Variants in SH3RF3 observed in about 807,000 individuals in gnomAD.
SH3RF3 encodes the protein SH3 domain containing ring finger 3, also known as E3 ubiquitin-protein ligase SH3RF3.
SH3RF3 carries 29 observed loss-of-function variants against 66.3 expected under a neutral mutation model. That is an observed-to-expected ratio of 0.44 (90% CI 0.33 to 0.60). The LOEUF is 0.60. Ranked by LOEUF, SH3RF3 falls within the 20% of genes least tolerant of loss-of-function variation. SH3RF3 has a pLI of 0.04. For synonymous variants in SH3RF3, 583 were observed against 532.0 expected (o/e 1.10, Z -1.32); for missense variants, 1,194 against 1,190.9 (o/e 1.00, Z -0.04).
At chr2:109,337,587 G>A (rs1388814383) in intron 1 of SH3RF3, among the ~76,000 whole-genome samples, 1 of 152,198 alleles carries the variant, frequency 6.6e-6, no homozygotes, top group African/African-American at 2.4e-5. Context: ...CGAGCCTTTA[G>A]CACATTTGCT....
chr2:109,235,519 T>C (rs1679626383), intron 1 of SH3RF3, among the ~76,000 whole-genome samples: 1 of 152,236 alleles, frequency 6.6e-6, no homozygotes, highest in South Asian at 2.1e-4. Context: ...GGCCATCTGG[T>C]CACCTGGAGA....
intron 8 of SH3RF3, among the ~76,000 whole-genome samples, chr2:109,458,600 G>GAA (rs1413496623): frequency 2.1e-4 from 31 of 150,796 alleles, no homozygotes; most frequent in Admixed American, 5.3e-4. Flanking sequence ...GAGAGAGAGA[G>GAA]AATTTATTTA....
rs550439433 is a variant in SH3RF3, at chr2:109,283,229, C to T, written c.574-64445C>T. On this transcript the variant is annotated intron_variant, in intron 1 of 9. Transcript: ENST00000309415. ...TCCCTCCAGGCCCCAGCCTGGCAGT[C>T]TCCCGCTCTGGGTGCTTGGGCCATG... Among the ~76,000 whole-genome samples the T allele has an allele frequency of 4.6e-5, 7 of 152,320 alleles. 1 individual carries two copies. Among genetic ancestry groups the T allele is most frequent in the African/African-American group, 1.7e-4 (7 of 41,574 alleles).
chr2:109,277,576 C>T (rs1486978889), intron 1 of SH3RF3, among the ~76,000 whole-genome samples: 1 of 152,206 alleles, frequency 6.6e-6, no homozygotes, highest in South Asian at 2.1e-4. Context: ...TACGTGTACA[C>T]TGTCGTTATC....
chr2:109,380,430 T>C (rs112507081), intron 3 of SH3RF3, among the ~76,000 whole-genome samples: 3 of 152,132 alleles, frequency 2.0e-5, no homozygotes, highest in African/African-American at 4.8e-5. Context: ...TGCAATGTTA[T>C]TGGGTTGTGG....
chr2:109,218,598 C>T (rs539548849), intron 1 of SH3RF3, among the ~76,000 whole-genome samples: 182 of 152,288 alleles, frequency 1.2e-3, no homozygotes, highest in Non-Finnish European at 2.2e-3. Context: ...AGCCTCATCA[C>T]CTCTCCTCTC....
intron 1 of SH3RF3, among the ~76,000 whole-genome samples, chr2:109,225,697 G>A (rs13406221): frequency 0.043 from 6,553 of 152,346 alleles, 454 homozygotes; most frequent in African/African-American, 0.15. Flanking sequence ...AGAGAGGAGA[G>A]CAGGTGGTGT....
At chr2:109,295,639 T>C (rs1681289338) in intron 1 of SH3RF3, among the ~76,000 whole-genome samples, 4 of 152,072 alleles carry the variant, frequency 2.6e-5, no homozygotes, top group Non-Finnish European at 5.9e-5. Flanking sequence ...GCAGACTCAC[T>C]GCAGCCCCAC....
intron 1 of SH3RF3, among the ~76,000 whole-genome samples, chr2:109,283,970 C>G (rs1342566849): frequency 6.6e-6 from 1 of 152,186 alleles, no homozygotes; most frequent in Non-Finnish European, 1.5e-5. Context: ...GTCCCCACAC[C>G]TCTGCCCGTG....
intron 1 of SH3RF3, among the ~76,000 whole-genome samples, chr2:109,318,800 G>T (rs1198079112): frequency 6.6e-6 from 1 of 152,208 alleles, no homozygotes; most frequent in Non-Finnish European, 1.5e-5. Context: ...ACGAGCTCTG[G>T]CCTGAGGCCA....
intron 5 of SH3RF3, among the ~76,000 whole-genome samples, chr2:109,425,375 CA>C (rs1167526394): frequency 6.6e-6 from 1 of 152,148 alleles, no homozygotes; most frequent in Non-Finnish European, 1.5e-5. Flanking sequence ...CACTAAACAA[CA>C]GATTTTCAGT....
intron 8 of SH3RF3, among the ~76,000 whole-genome samples, chr2:109,475,304 T>TA (rs1346834717): frequency 2.0e-5 from 3 of 152,238 alleles, no homozygotes; most frequent in Non-Finnish European, 4.4e-5. Context: ...CTCCGAGGGC[T>TA]ACAGGACTAT....
At chr2:109,228,174 C>G (rs1054105308) in intron 1 of SH3RF3, among the ~76,000 whole-genome samples, 1 of 152,130 alleles carries the variant, frequency 6.6e-6, no homozygotes, top group African/African-American at 2.4e-5. Flanking sequence ...AAACATGGTG[C>G]TACTTGCTTA....
At chr2:109,474,169 A>G (rs1261042652) in intron 8 of SH3RF3, among the ~76,000 whole-genome samples, 1 of 152,156 alleles carries the variant, frequency 6.6e-6, no homozygotes, top group African/African-American at 2.4e-5. Flanking sequence ...GCACCTGCGT[A>G]AGAGCACACA....
At chr2:109,332,294 T>C (rs914413687) in intron 1 of SH3RF3, among the ~76,000 whole-genome samples, 1 of 152,078 alleles carries the variant, frequency 6.6e-6, no homozygotes, top group East Asian at 1.9e-4. Flanking sequence ...GCCAACTCTC[T>C]CCTGAGAGAG....
intron 4 of SH3RF3, among the ~76,000 whole-genome samples, chr2:109,406,093 C>G (rs940720732): frequency 6.6e-6 from 1 of 152,168 alleles, no homozygotes; most frequent in Non-Finnish European, 1.5e-5. Context: ...TCAGATGGCC[C>G]GTCCTGCTCA....
At chr2:109,160,257 G>A (rs1310448502) in intron 1 of SH3RF3, among the ~76,000 whole-genome samples, 4 of 152,206 alleles carry the variant, frequency 2.6e-5, no homozygotes, top group African/African-American at 9.6e-5. Context: ...GTGACCCATG[G>A]AGTGTGACAG....
intron 1 of SH3RF3, among the ~76,000 whole-genome samples, chr2:109,320,121 C>T (rs1193022716): frequency 6.6e-6 from 1 of 152,178 alleles, no homozygotes; most frequent in Non-Finnish European, 1.5e-5. Context: ...TACTAGTGCT[C>T]CTGTAAAGCC....
At chr2:109,355,613 G>T (rs536809555) in intron 2 of SH3RF3, among the ~76,000 whole-genome samples, 5 of 152,322 alleles carry the variant, frequency 3.3e-5, no homozygotes, top group South Asian at 2.1e-4. Flanking sequence ...CACAGGTGTT[G>T]TCCCTGTATG....
Sources: gnomAD v4.1 joint callset for allele counts (sites outside exome capture counted in the v4.1 genomes callset) on GRCh38, gnomAD v4.1.1 for gene constraint, MANE v1.5 for transcripts, NCBI Gene and HGNC (gene_info 2026-07-23, HGNC 2026-07-21) for gene names.